Variants in METTL8 observed in about 807,000 individuals in gnomAD.
The protein encoded by METTL8 is methyltransferase 8, tRNA N3-cytidine.
METTL8 carries 32 observed loss-of-function variants against 48.7 expected under a neutral mutation model. That is an observed-to-expected ratio of 0.66 (90% CI 0.50 to 0.88). The LOEUF (loss-of-function observed/expected upper bound fraction) is 0.88, where lower values mean the gene tolerates loss of function less well. Ranked by LOEUF, METTL8 falls within the 40% of genes least tolerant of loss-of-function variation. The probability of loss-of-function intolerance (pLI) is 0.00; values close to 1 mark genes in which losing one functional copy is unlikely to be tolerated. For synonymous variants in METTL8, 136 were observed against 157.1 expected (o/e 0.87, Z 1.01); for missense variants, 464 against 474.4 (o/e 0.98, Z 0.20).
At chr2:171,336,699 C>T (rs1235591205) in intron 5 of METTL8, among the ~76,000 whole-genome samples, 1 of 152,034 alleles carries the variant, frequency 6.6e-6, no homozygotes, top group Non-Finnish European at 1.5e-5. Flanking sequence ...ATGCAAACAT[C>T]TTACATAGGG....
chr2:171,333,259 C>T (rs866137040), intron 5 of METTL8, among the ~76,000 whole-genome samples: 5 of 151,854 alleles, frequency 3.3e-5, no homozygotes, highest in Admixed American at 6.6e-5. Context: ...CTACCACGGC[C>T]GGCTAATTTT....
At chr2:171,390,641 G>T (rs1485993547) in intron 2 of METTL8, among the ~76,000 whole-genome samples, 1 of 152,192 alleles carries the variant, frequency 6.6e-6, no homozygotes, top group African/African-American at 2.4e-5. Context: ...AACAGCAAGA[G>T]AACTAGAATT....
rs1391470090 is a variant in METTL8 at position 171,317,936 on chromosome 2, T to G, written c.*6236A>C. The G allele has an allele frequency of 6.6e-6, 1 of 152,242 alleles. No individual in the cohort carries two copies. The highest frequency in any genetic ancestry group is 2.4e-5 in the African/African-American group (1 of 41,466). 9.4% of individuals were successfully genotyped at this position (152,242 alleles called of 1,614,324 possible). ...CCTGGGTCCCTTCTGCAGGTGCACT[T>G]GCTTTTTCAATCTGATGCTATTTTT... On this transcript the variant is annotated 3_prime_UTR_variant, in exon 10 of 10. Transcript: ENST00000375258.
At chr2:171,419,343 T>C (rs1282471910) in intron 1 of METTL8, among the ~76,000 whole-genome samples, 2 of 152,178 alleles carry the variant, frequency 1.3e-5, no homozygotes, top group African/African-American at 4.8e-5. Flanking sequence ...TATGCATTCA[T>C]CTGTATCTAT....
In METTL8 at chr2:171,339,416, G is replaced by T; in HGVS notation, c.374C>A (p.Ala125Glu). The change falls in exon 4 of 10, where the codon GCG (alanine) becomes GAG (glutamate). Residue 125 changes from alanine to glutamate, a missense_variant. Ala to Glu is a moderately radical substitution (Grantham distance 107, BLOSUM62 -1). Coordinates refer to ENST00000375258, the MANE Select transcript of METTL8 (RefSeq NM_001321154.2). ...TACATGATCCCATGATGATTCTCTC[G>T]CCTTCTCTTCAGGTTTTTGATCAAC... ...LPVDQKPEEK[A>E]RESSWDHVKT... 6.2e-7 allele frequency: 1 copy of T among 1,613,294 alleles called. No homozygotes were observed. The highest frequency in any genetic ancestry group is 1.1e-5 in the South Asian group (1 of 90,990).
intron 2 of METTL8, among the ~76,000 whole-genome samples, chr2:171,362,181 C>G (rs1020529077): frequency 5.3e-5 from 8 of 151,916 alleles, no homozygotes; most frequent in Non-Finnish European, 1.0e-4. Flanking sequence ...CACAGTGAAG[C>G]GGGGAAGGAC....
rs138163393 is a variant in METTL8, at chr2:171,375,234, G to A, written c.144-14721C>T. The A allele has an allele frequency of 3.5e-4, 442 of 1,263,940 alleles. 1 individual carries two copies. The African/African-American group carries it at 5.1e-3, about 15-fold the overall frequency. 78.3% of individuals were successfully genotyped at this position (1,263,940 alleles called of 1,614,324 possible). On this transcript the variant is annotated intron_variant, in intron 2 of 9. Transcript: ENST00000375258. Reference sequence around the variant, plus strand: ...TGCAGCGAATAGGATGCACGTGGCCGCGGCCCTTTTTGGCATGACCGTTGT... The same window carrying A: ...TGCAGCGAATAGGATGCACGTGGCCACGGCCCTTTTTGGCATGACCGTTGT...
At chr2:171,395,571 A>G (rs984671686) in intron 1 of METTL8, among the ~76,000 whole-genome samples, 1 of 152,212 alleles carries the variant, frequency 6.6e-6, no homozygotes, top group African/African-American at 2.4e-5. Context: ...GTAGACTTCA[A>G]TGAAAAGACT....
rs575143953 is a variant in METTL8, at chr2:171,380,646, C to T, written c.143+11397G>A. ...CAAATCATGAATGAACTACCATTCA[C>T]AACTGCTACAAAGAAAATAAAATAC... is the stretch of plus-strand genomic sequence containing the variant. On this transcript the variant is annotated intron_variant, in intron 2 of 9. Transcript: ENST00000375258. 1.9e-4 allele frequency among the ~76,000 whole-genome samples: 29 copies of T among 152,200 alleles called. No individual in the cohort carries two copies. In the South Asian group the frequency reaches 6.0e-3, roughly 32 times the overall value.
chr2:171,406,492 G>A (rs1433948669), intron 1 of METTL8, among the ~76,000 whole-genome samples: 1 of 152,198 alleles, frequency 6.6e-6, no homozygotes, highest in Non-Finnish European at 1.5e-5. Context: ...TTCCTGGCTT[G>A]TAGACAGCCA....
intron 3 of METTL8, among the ~76,000 whole-genome samples, chr2:171,343,167 T>C (rs1190426233): frequency 6.6e-6 from 1 of 152,174 alleles, no homozygotes; most frequent in Non-Finnish European, 1.5e-5. Flanking sequence ...AAGCGGGGCA[T>C]GATGGCTCAT....
At chr2:171,332,970 TTCTAA>T (rs1205323243) in intron 5 of METTL8, among the ~76,000 whole-genome samples, 2 of 150,190 alleles carry the variant, frequency 1.3e-5, no homozygotes, top group Non-Finnish European at 3.0e-5. Flanking sequence ...TCATTAAGAC[TTCTAA>T]TCTGACTCAA....
chr2:171,337,523 A>T, intron 4 of METTL8, 21 bp from the exon 5 acceptor site: 1 of 1,586,128 alleles, frequency 6.3e-7, no homozygotes, highest in East Asian at 2.3e-5. Flanking sequence ...AAGAACAAGC[A>T]AATATCAAAA....
intron 1 of METTL8, among the ~76,000 whole-genome samples, chr2:171,404,427 T>C (rs1689977243): frequency 6.6e-6 from 1 of 152,044 alleles, no homozygotes; most frequent in Admixed American, 6.6e-5. Flanking sequence ...AGATGATGAC[T>C]ACCGGGTAGT....
At chr2:171,408,788 A>G (rs149461688) in intron 1 of METTL8, among the ~76,000 whole-genome samples, 40 of 152,282 alleles carry the variant, frequency 2.6e-4, no homozygotes, top group African/African-American at 9.6e-4. Context: ...CTGGCATGAT[A>G]CCTAACTTCG....
chr2:171,393,309 C>G (rs968586685), intron 1 of METTL8, among the ~76,000 whole-genome samples: 7 of 148,052 alleles, frequency 4.7e-5, no homozygotes, highest in African/African-American at 1.7e-4. Context: ...TCCAGCTACA[C>G]GAGAGGCCAA....
intron 1 of METTL8, among the ~76,000 whole-genome samples, chr2:171,408,428 G>A (rs1479220716): frequency 6.6e-6 from 1 of 151,828 alleles, no homozygotes; most frequent in African/African-American, 2.4e-5. Flanking sequence ...CCGAGTAGCT[G>A]GGATTACAGG....
chr2:171,388,971 C>T (rs1342546821), intron 2 of METTL8, among the ~76,000 whole-genome samples: 2 of 152,182 alleles, frequency 1.3e-5, no homozygotes, highest in African/African-American at 4.8e-5. Context: ...CTTTCCCTGT[C>T]TATTTCCCTC....
Position 171,343,069 on chromosome 2 carries a change from C to T in METTL8, c.236-3515G>A, listed in dbSNP as rs567893500. 1.2e-4 allele frequency among the ~76,000 whole-genome samples: 18 copies of T among 152,208 alleles called. No individual in the cohort carries two copies. The East Asian group carries it at 3.5e-3, about 29-fold the overall frequency. ...ATATTAGGAAAAAGTGGGGAAAACT[C>T]AAATGCCCAACAACATGGGAATGAG... is the stretch of plus-strand genomic sequence containing the variant. On this transcript the variant is annotated intron_variant, in intron 3 of 9. Transcript: ENST00000375258.
Sources: gnomAD v4.1 joint callset for allele counts (sites outside exome capture counted in the v4.1 genomes callset) on GRCh38, gnomAD v4.1.1 for gene constraint, MANE v1.5 for transcripts, NCBI Gene and HGNC (gene_info 2026-07-23, HGNC 2026-07-21) for gene names.